ASTN1: variants seen among roughly 807,000 people sequenced by gnomAD.
The protein encoded by ASTN1 is astrotactin-1.
Under a neutral mutation model 140.7 loss-of-function variants are expected in ASTN1, and 41 were observed. The observed-to-expected ratio is 0.29, with a 90% CI of 0.23 to 0.38. The LOEUF (loss-of-function observed/expected upper bound fraction) is 0.38. ASTN1 is among the 10% of genes least tolerant of loss of function. The pLI, the probability that ASTN1 is intolerant of heterozygous loss-of-function variation, is 1.00. For missense variants in ASTN1, 1,479 were observed against 1,678.8 expected (o/e 0.88, Z 2.08); for synonymous variants, 640 against 652.2 (o/e 0.98, Z 0.29).
intron 13 of ASTN1, among the ~76,000 whole-genome samples, chr1:176,944,379 C>A (rs1180107672): frequency 6.6e-6 from 1 of 152,162 alleles, no homozygotes. Context: ...CCCACCTCAG[C>A]CTCCCAGGTA....
intron 15 of ASTN1, among the ~76,000 whole-genome samples, chr1:176,935,820 G>A (rs925069415): frequency 2.0e-5 from 3 of 149,800 alleles, no homozygotes; most frequent in Admixed American, 1.3e-4. Flanking sequence ...TCACTCACTT[G>A]CTGTTTAGGA....
chr1:176,959,639 C>A (rs903951515), intron 9 of ASTN1, among the ~76,000 whole-genome samples: 4 of 152,156 alleles, frequency 2.6e-5, no homozygotes, highest in Non-Finnish European at 5.9e-5. Context: ...GAAAGAGAGT[C>A]CTGGGCCCTA....
In ASTN1 at chr1:177,007,427, G is replaced by A. The variant is rs1214191889; in HGVS notation, c.1523+7364C>T. 2.6e-5 allele frequency among the ~76,000 whole-genome samples: 4 copies of A among 152,218 alleles called. No individual in the cohort carries two copies. In the East Asian group the frequency reaches 5.8e-4, roughly 22 times the overall value. Reference sequence around the variant, plus strand: ...TTAATAAAATGCAAGGATCTTTAAAGCTGCACTCAGCCACTTGTCTACAAG... The same window carrying A: ...TTAATAAAATGCAAGGATCTTTAAAACTGCACTCAGCCACTTGTCTACAAG... On this transcript the variant is annotated intron_variant, in intron 8 of 22. Coordinates refer to ENST00000361833, the MANE Select transcript of ASTN1 (RefSeq NM_004319.3).
intron 1 of ASTN1, among the ~76,000 whole-genome samples, chr1:177,100,009 C>A (rs368537327): frequency 2.8e-4 from 42 of 152,248 alleles, no homozygotes; most frequent in African/African-American, 8.9e-4. Flanking sequence ...ATTGTGAATG[C>A]TGAGGTGTTA....
At chr1:176,894,388 A>G (rs559831256) in intron 17 of ASTN1, among the ~76,000 whole-genome samples, 174 bp downstream of exon 17, 22 of 152,348 alleles carry the variant, frequency 1.4e-4, no homozygotes, top group Non-Finnish European at 2.8e-4. Flanking sequence ...ATTTGAATTA[A>G]TATGCAAGCA....
intron 2 of ASTN1, among the ~76,000 whole-genome samples, chr1:177,047,985 C>T (rs1183870067): frequency 6.6e-6 from 1 of 152,048 alleles, no homozygotes; most frequent in Non-Finnish European, 1.5e-5. Flanking sequence ...ACACAGATGC[C>T]GATGAAAATT....
At chr1:176,948,000 C>A (rs950199095) in intron 12 of ASTN1, among the ~76,000 whole-genome samples, 4 of 152,166 alleles carry the variant, frequency 2.6e-5, no homozygotes, top group Non-Finnish European at 4.4e-5. Flanking sequence ...GAGCAAGCTT[C>A]CATTTATGGT....
At chr1:176,882,129 G>A (rs1290935774) in intron 20 of ASTN1, among the ~76,000 whole-genome samples, 1 of 152,186 alleles carries the variant, frequency 6.6e-6, no homozygotes, top group Admixed American at 6.5e-5. Flanking sequence ...GAGAAATGGG[G>A]AAGAGTTCGC....
intron 2 of ASTN1, among the ~76,000 whole-genome samples, chr1:177,041,798 C>T (rs1676986926): frequency 6.6e-6 from 1 of 152,076 alleles, no homozygotes; most frequent in African/African-American, 2.4e-5. Context: ...TTGTTTAATC[C>T]CTCTTTCTCC....
chr1:176,956,516 G>A (rs1053548211), intron 11 of ASTN1, among the ~76,000 whole-genome samples: 37 of 152,194 alleles, frequency 2.4e-4, no homozygotes, highest in African/African-American at 8.7e-4. Flanking sequence ...ACAAAGCACA[G>A]CTGTCAGACT....
intron 1 of ASTN1, among the ~76,000 whole-genome samples, chr1:177,105,137 A>T (rs17379768): frequency 0.071 from 10,735 of 152,048 alleles, 458 homozygotes; most frequent in Middle Eastern, 0.17. Flanking sequence ...CTGATGGGGG[A>T]TTATATGACA....
In ASTN1 at chr1:176,861,291, C is replaced by A. The variant is rs1439215603; in HGVS notation, c.*2993G>T. On this transcript the variant is annotated 3_prime_UTR_variant, in exon 23 of 23. Transcript: ENST00000361833. ...AAAAAATAATGAACGGACCAAACTC[C>A]ATGGAAAACGATTGCACACTCAATT... is the stretch of plus-strand genomic sequence containing the variant. The A allele has an allele frequency of 2.9e-5, 29 of 985,528 alleles. No homozygotes were observed. The highest frequency in any genetic ancestry group is 1.2e-5 in the Non-Finnish European group (10 of 829,854). The allele number at this position is 985,528 out of a possible 1,614,324, so 61.0% of individuals were successfully genotyped here.
chr1:176,858,913 G>A (rs527735969), downstream of ASTN1, among the ~76,000 whole-genome samples: 9 of 152,256 alleles, frequency 5.9e-5, no homozygotes, highest in South Asian at 1.9e-3. Context: ...CAAAATGACT[G>A]GACTTCCATT....
At chr1:176,931,540 T>A (rs749276460) in intron 16 of ASTN1, among the ~76,000 whole-genome samples, 1 of 152,166 alleles carries the variant, frequency 6.6e-6, no homozygotes, top group Admixed American at 6.6e-5. Context: ...AGCAAGATGA[T>A]CCTCAATGTT....
rs112750055 is a variant in ASTN1, at chr1:176,971,314, A to G, written c.1524-6077T>C. Among the ~76,000 whole-genome samples the G allele has an allele frequency of 1.7e-3, 260 of 152,322 alleles. 1 individual carries two copies. In the Middle Eastern group the frequency reaches 0.034, roughly 20 times the overall value. ...TAAGATGGGGAGATTATTACATGTC[A>G]CTATCTTCACAATCATTACTAGTTC... On this transcript the variant is annotated intron_variant, in intron 8 of 22. Coordinates refer to ENST00000361833, the MANE Select transcript of ASTN1 (RefSeq NM_004319.3).
chr1:177,164,559 T>C lies in ASTN1; in HGVS notation c.118A>G (p.Ile40Val). Residue 40 changes from isoleucine to valine, a missense_variant, in exon 1 of 23, where the codon ATC (isoleucine) becomes GTC (valine). By Grantham distance (29) the Ile-to-Val change is conservative. This residue lies in a region of ASTN1 where 729 missense variants were observed against 860.4 expected (regional missense o/e 0.85). Transcript: ENST00000361833. ...SKELECKLKSITVSALPFLRE... is the reference protein window; with the variant it reads ...SKELECKLKSVTVSALPFLRE... Reference sequence around the variant, plus strand: ...AGGAAGGGCAGTGCCGACACCGTGATGCTTTTGAGCTTGCACTCCAGCTCC... The same window carrying C: ...AGGAAGGGCAGTGCCGACACCGTGACGCTTTTGAGCTTGCACTCCAGCTCC... The C allele has an allele frequency of 6.2e-7, 1 of 1,613,838 alleles. No individual in the cohort carries two copies. The highest frequency in any genetic ancestry group is 1.3e-5 in the African/African-American group (1 of 74,968).
At chr1:176,875,711 C>T (rs1034482335) in intron 21 of ASTN1, among the ~76,000 whole-genome samples, 3 of 152,306 alleles carry the variant, frequency 2.0e-5, no homozygotes, top group African/African-American at 7.2e-5. Flanking sequence ...ATTTCTCTTA[C>T]TGAAACTTGC....
At chr1:177,109,757 C>T (rs889701018) in intron 1 of ASTN1, among the ~76,000 whole-genome samples, 27 of 152,152 alleles carry the variant, frequency 1.8e-4, no homozygotes, top group African/African-American at 6.5e-4. Flanking sequence ...TATGAGCATG[C>T]CTCAAGATAA....
At chr1:176,886,327 A>AAAATAAG in intron 18 of ASTN1, among the ~76,000 whole-genome samples, 1 of 152,272 alleles carries the variant, frequency 6.6e-6, no homozygotes, top group Non-Finnish European at 1.5e-5. Flanking sequence ...GTTTAAAAAC[A>AAAATAAG]AAATAAGCCC....
Sources: gnomAD v4.1 joint callset for allele counts (sites outside exome capture counted in the v4.1 genomes callset) on GRCh38, gnomAD v4.1.1 for gene constraint, gnomAD v4.1.1 regional missense constraint, MANE v1.5 for transcripts, NCBI Gene and HGNC (gene_info 2026-07-23, HGNC 2026-07-21) for gene names.